The following FAR1 variants were observed in gnomAD, a reference collection of about 807,000 sequenced individuals.
FAR1 encodes male sterility domain-containing protein 2.
Under a neutral mutation model 61.1 loss-of-function variants are expected in FAR1, and 22 were observed. The ratio of observed to expected loss-of-function variants is 0.36; its 90% CI spans 0.26 to 0.51. The LOEUF is 0.51. Ranked by LOEUF, FAR1 falls within the 20% of genes least tolerant of loss-of-function variation. The probability of loss-of-function intolerance (pLI) is 0.95; values close to 1 mark genes in which losing one functional copy is unlikely to be tolerated. For missense variants in FAR1, 359 were observed against 626.9 expected (o/e 0.57, Z 4.56); for synonymous variants, 206 against 209.7 (o/e 0.98, Z 0.15).
At chr11:13,714,396 C>A in intron 8 of FAR1, 113 bp from the exon 9 acceptor site, 1 of 1,064,744 alleles carries the variant, frequency 9.4e-7, no homozygotes, top group Non-Finnish European at 1.3e-6. Flanking sequence ...TTTAAATGTA[C>A]GAACTCTGAC....
At chr11:13,690,318 A>G (rs1358369534) in intron 1 of FAR1, among the ~76,000 whole-genome samples, 1 of 152,134 alleles carries the variant, frequency 6.6e-6, no homozygotes, top group Non-Finnish European at 1.5e-5. Flanking sequence ...CATTATATAT[A>G]TATTACAAAT....
At chr11:13,691,148 C>G (rs1848245507) in intron 1 of FAR1, among the ~76,000 whole-genome samples, 1 of 152,150 alleles carries the variant, frequency 6.6e-6, no homozygotes, top group Non-Finnish European at 1.5e-5. Context: ...GAGAGCTGCT[C>G]CCTGCTTCTA....
At chr11:13,681,035 G>A (rs571922282) in intron 1 of FAR1, among the ~76,000 whole-genome samples, 4 of 152,286 alleles carry the variant, frequency 2.6e-5, no homozygotes, top group Admixed American at 6.5e-5. Context: ...CTAGAGGTGT[G>A]TCAACTCCAG....
intron 1 of FAR1, among the ~76,000 whole-genome samples, chr11:13,694,136 T>G (rs1848284156): frequency 6.6e-6 from 1 of 152,236 alleles, no homozygotes; most frequent in Non-Finnish European, 1.5e-5. Flanking sequence ...ATATGTCTTT[T>G]CTGCTGTTTT....
At chr11:13,680,228 CTCTT>C (rs201932642) in intron 1 of FAR1, among the ~76,000 whole-genome samples, 4,882 of 152,240 alleles carry the variant, frequency 0.032, 110 homozygotes, top group Non-Finnish European at 0.047. Context: ...TGCATTTTGG[CTCTT>C]TTTTTGTTGC....
chr11:13,689,608 T>A (rs949606634), intron 1 of FAR1, among the ~76,000 whole-genome samples: 1 of 152,228 alleles, frequency 6.6e-6, no homozygotes, highest in Admixed American at 6.5e-5. Context: ...TACTTGCTTG[T>A]TCTTTTGATG....
intron 2 of FAR1, among the ~76,000 whole-genome samples, chr11:13,699,059 G>C (rs2134182979): frequency 6.6e-6 from 1 of 152,196 alleles, no homozygotes; most frequent in Non-Finnish European, 1.5e-5. Flanking sequence ...CCTCTGCCTG[G>C]AAACACTATT....
intron 2 of FAR1, among the ~76,000 whole-genome samples, chr11:13,698,667 A>G (rs1343047733): frequency 6.6e-6 from 1 of 152,000 alleles, no homozygotes; most frequent in African/African-American, 2.4e-5. Context: ...CGTCTCTACT[A>G]AAAATACAGA....
intron 10 of FAR1, chr11:13,723,406 T>C (rs988456266): frequency 3.1e-5 from 13 of 417,010 alleles, no homozygotes; most frequent in African/African-American, 2.3e-4. Flanking sequence ...ACTTTTTTAT[T>C]TATATTCTGT....
At chr11:13,685,594 AT>A in intron 1 of FAR1, 1 of 213,500 alleles carries the variant, frequency 4.7e-6, no homozygotes. Context: ...GAGTGGGACA[AT>A]TTTTTGCTTT....
At chr11:13,675,852 C>T (rs1848062314) in intron 1 of FAR1, among the ~76,000 whole-genome samples, 1 of 152,028 alleles carries the variant, frequency 6.6e-6, no homozygotes, top group Admixed American at 6.5e-5. Context: ...CATGAGAAAT[C>T]CTTGAATTTA....
At chr11:13,710,928 T>C (rs1236736449) in intron 5 of FAR1, 58 bp downstream of exon 5, 2 of 1,469,020 alleles carry the variant, frequency 1.4e-6, no homozygotes, top group Admixed American at 2.1e-5. Context: ...GTTGTAACTC[T>C]GTATAAAAAG....
At chr11:13,703,384 AAC>A (rs1279235237) in intron 3 of FAR1, among the ~76,000 whole-genome samples, 6 of 149,450 alleles carry the variant, frequency 4.0e-5, no homozygotes, top group Non-Finnish European at 9.0e-5. Context: ...GGGTTTCACT[AAC>A]AGTTACTCTT....
intron 1 of FAR1, among the ~76,000 whole-genome samples, chr11:13,677,448 G>C (rs1378740311): frequency 1.3e-5 from 2 of 152,172 alleles, no homozygotes; most frequent in Non-Finnish European, 2.9e-5. Context: ...AAAGATTTTT[G>C]AGAAGAGAGT....
chr11:13,676,881 A>G (rs1165083106), intron 1 of FAR1, among the ~76,000 whole-genome samples: 1 of 152,226 alleles, frequency 6.6e-6, no homozygotes, highest in East Asian at 1.9e-4. Flanking sequence ...ACTTATTCCA[A>G]TACATAGTAG....
chr11:13,730,153 A>G lies in FAR1; in HGVS notation c.*1379A>G. 6.6e-6 allele frequency: 1 copy of G among 152,468 alleles called. No homozygotes were observed. Among genetic ancestry groups the G allele is most frequent in the East Asian group, 1.9e-4 (1 of 5,202 alleles). The allele number at this position is 152,468 out of a possible 1,614,324, so 9.4% of individuals were successfully genotyped here. On this transcript the variant is annotated 3_prime_UTR_variant, in exon 12 of 12. Transcript: ENST00000354817. The stretch of plus-strand genomic sequence containing the variant: ...TTATCAAGTTGTACTGTATTAGATA[A>G]TCAGCAGTGTATCTGGAGTATGTTT...
chr11:13,691,653 C>A (rs988815164), intron 1 of FAR1, among the ~76,000 whole-genome samples: 7 of 152,112 alleles, frequency 4.6e-5, no homozygotes, highest in Non-Finnish European at 8.8e-5. Flanking sequence ...TGACTTCTTT[C>A]ATTTGATATA....
chr11:13,695,028 A>G lies in FAR1; in HGVS notation c.189+74A>G, dbSNP rs749001926. ...GTGTATATAATTATTGTAGTCGTCA[A>G]TAGCTTGGTATATTTCTTCAGTATT... is the stretch of plus-strand genomic sequence containing the variant. On this transcript the variant is annotated intron_variant, in intron 2 of 11. Transcript: ENST00000354817. 5.4e-4 allele frequency: 648 copies of G among 1,190,802 alleles called. 1 individual carries two copies. Among genetic ancestry groups the G allele is most frequent in the Non-Finnish European group, 6.7e-4 (594 of 889,308 alleles). The allele number at this position is 1,190,802 out of a possible 1,614,324, so 73.8% of individuals were successfully genotyped here.
chr11:13,703,168 G>GTTTGTT (rs79020181), intron 3 of FAR1, among the ~76,000 whole-genome samples: 13,469 of 151,768 alleles, frequency 0.089, 675 homozygotes, highest in South Asian at 0.12. Flanking sequence ...AAGAATTACT[G>GTTTGTT]TTTGTTTTTG....
Sources: gnomAD v4.1 joint callset for allele counts (sites outside exome capture counted in the v4.1 genomes callset) on GRCh38, gnomAD v4.1.1 for gene constraint, MANE v1.5 for transcripts, NCBI Gene and HGNC (gene_info 2026-07-23, HGNC 2026-07-21) for gene names.